The following GRB10 variants were observed in gnomAD, a reference collection of about 807,000 sequenced individuals.
The protein encoded by GRB10 is growth factor receptor-bound protein 10.
In GRB10, 20 loss-of-function variants were observed where a neutral mutation model predicts 80.9. That is an observed-to-expected ratio of 0.25 (90% CI 0.17 to 0.36). The LOEUF is 0.36. GRB10 is among the 10% of genes least tolerant of loss of function. The pLI is 1.00. For missense variants in GRB10, 548 were observed against 747.7 expected (o/e 0.73, Z 3.12); for synonymous variants, 291 against 291.5 (o/e 1.00, Z 0.02).
At chr7:50,639,529 C>T (rs1032254122) in intron 7 of GRB10, among the ~76,000 whole-genome samples, 3 of 152,042 alleles carry the variant, frequency 2.0e-5, no homozygotes, top group East Asian at 3.9e-4. Flanking sequence ...AAAAATTAGC[C>T]GGGCGTAGTG....
At chr7:50,653,749 C>T (rs1316286413) in intron 7 of GRB10, among the ~76,000 whole-genome samples, 1 of 152,204 alleles carries the variant, frequency 6.6e-6, no homozygotes, top group Non-Finnish European at 1.5e-5. Flanking sequence ...CACCACTGTT[C>T]ACAGGGTCCA....
At chr7:50,784,853 T>C (rs2078626757), upstream of GRB10, among the ~76,000 whole-genome samples, 1 of 152,222 alleles carries the variant, frequency 6.6e-6, no homozygotes, top group African/African-American at 2.4e-5. Flanking sequence ...GAATGAGAAC[T>C]ACCATTCACC....
chr7:50,754,433 G>T (rs866081438), intron 3 of GRB10, among the ~76,000 whole-genome samples: 11 of 152,208 alleles, frequency 7.2e-5, no homozygotes, highest in Admixed American at 1.3e-4. Context: ...AGTGGCAGGT[G>T]GGGGAGGTCA....
chr7:50,631,473 T>C (rs1339611844), intron 7 of GRB10, among the ~76,000 whole-genome samples: 1 of 152,196 alleles, frequency 6.6e-6, no homozygotes, highest in Admixed American at 6.5e-5. Flanking sequence ...TTCATCCCAG[T>C]GCTTAATTAT....
chr7:50,735,606 G>A (rs1587671931), intron 3 of GRB10, among the ~76,000 whole-genome samples: 1 of 152,150 alleles, frequency 6.6e-6, no homozygotes, highest in South Asian at 2.1e-4. Flanking sequence ...CTTAAAAAAA[G>A]TGATCTGCTA....
intron 1 of GRB10, among the ~76,000 whole-genome samples, chr7:50,791,079 C>A (rs2078894919): frequency 6.6e-6 from 1 of 152,130 alleles, no homozygotes; most frequent in Admixed American, 6.5e-5. Context: ...GGTTCCTGAT[C>A]CACAAATGAA....
At chr7:50,618,015 A>G (rs1371121870) in intron 10 of GRB10, 56 bp downstream of exon 10, 2 of 1,356,390 alleles carry the variant, frequency 1.5e-6, no homozygotes, top group Non-Finnish European at 2.1e-6. Context: ...ATTCAGTTCC[A>G]AGAGGATTTC....
At chr7:50,616,441 TA>T in intron 10 of GRB10, 94 bp from the exon 11 acceptor site, 1 of 1,184,714 alleles carries the variant, frequency 8.4e-7, no homozygotes. Context: ...TCTGAATTAT[TA>T]AAAGACTCCT....
chr7:50,702,925 GA>G (rs1474855425), intron 5 of GRB10, among the ~76,000 whole-genome samples: 1 of 152,164 alleles, frequency 6.6e-6, no homozygotes, highest in African/African-American at 2.4e-5. Flanking sequence ...CCATTTAAAT[GA>G]GATCACTTGT....
chr7:50,602,250 G>A (rs1468475087), intron 17 of GRB10, among the ~76,000 whole-genome samples: 1 of 152,218 alleles, frequency 6.6e-6, no homozygotes, highest in African/African-American at 2.4e-5. Flanking sequence ...AACACCTAAT[G>A]AAATACTGAA....
chr7:50,781,664 G>A (rs1280855283), intron 1 of GRB10, among the ~76,000 whole-genome samples: 1 of 152,226 alleles, frequency 6.6e-6, no homozygotes, highest in Non-Finnish European at 1.5e-5. Context: ...CCAGCACCCT[G>A]GCAGGGACTG....
Position 50,755,680 on chromosome 7 carries a change from G to A in GRB10, c.-47+207C>T, listed in dbSNP as rs545049873. Among the ~76,000 whole-genome samples, 53 of 152,254 alleles carry A rather than the reference G, an allele frequency of 3.5e-4. 1 individual carries two copies. The highest frequency in any genetic ancestry group is 2.7e-3 in the South Asian group (13 of 4,816). Reference sequence around the variant, plus strand: ...CTCCCATCCCTACCCGACTCAGCCCGGTGTTCCCAGGCAGAGCCGAGCCAA... The same window carrying A: ...CTCCCATCCCTACCCGACTCAGCCCAGTGTTCCCAGGCAGAGCCGAGCCAA... On this transcript the variant is annotated intron_variant, in intron 3 of 18. Coordinates refer to ENST00000401949, the MANE Select transcript of GRB10 (RefSeq NM_001350814.2).
At chr7:50,644,398 C>T (rs1001112165) in intron 7 of GRB10, among the ~76,000 whole-genome samples, 1 of 152,154 alleles carries the variant, frequency 6.6e-6, no homozygotes, top group African/African-American at 2.4e-5. Context: ...AGGGAAGGGA[C>T]GTAGCACCCG....
At chr7:50,653,270 A>G (rs566133078) in intron 7 of GRB10, among the ~76,000 whole-genome samples, 1 of 152,292 alleles carries the variant, frequency 6.6e-6, no homozygotes, top group Admixed American at 6.5e-5. Context: ...AGCAGGAGGT[A>G]GCCACAGCAG....
chr7:50,624,091 A>G (rs1209113064), intron 8 of GRB10, among the ~76,000 whole-genome samples: 2 of 152,158 alleles, frequency 1.3e-5, no homozygotes, highest in South Asian at 4.1e-4. Context: ...TATACCCTCA[A>G]TTATGGGGGG....
intron 5 of GRB10, among the ~76,000 whole-genome samples, chr7:50,680,004 T>C (rs1351454913): frequency 6.6e-6 from 1 of 152,230 alleles, no homozygotes; most frequent in African/African-American, 2.4e-5. Flanking sequence ...ATTTCCCATA[T>C]ATAGAGTTTG....
chr7:50,621,535 C>T (rs1323801434), intron 8 of GRB10, among the ~76,000 whole-genome samples: 2 of 152,212 alleles, frequency 1.3e-5, no homozygotes, highest in African/African-American at 4.8e-5. Flanking sequence ...CCTCCGGATG[C>T]AGCTGAGTGC....
chr7:50,604,410 C>T, intron 15 of GRB10, 33 bp from the exon 16 acceptor site: 1 of 1,569,972 alleles, frequency 6.4e-7, no homozygotes. Context: ...GCACCGAGGA[C>T]AGCAGACAGA....
At chr7:50,668,686 G>C (rs567901651) in intron 7 of GRB10, among the ~76,000 whole-genome samples, 8 of 152,314 alleles carry the variant, frequency 5.3e-5, no homozygotes, top group African/African-American at 1.9e-4. Flanking sequence ...ATCAGATGGC[G>C]CAGTTGTTCT....
Sources: allele counts gnomAD v4.1 joint callset (sites outside exome capture counted in the v4.1 genomes callset), GRCh38; gene constraint gnomAD v4.1.1; transcripts MANE v1.5; gene names NCBI Gene and HGNC (gene_info 2026-07-23, HGNC 2026-07-21).